KCNG3: variants seen among roughly 807,000 people sequenced by gnomAD.
The protein encoded by KCNG3 is potassium voltage-gated channel modifier subfamily G member 3, also known as voltage-gated potassium channel regulatory subunit KCNG3.
A neutral mutation model predicts 29.0 loss-of-function variants in KCNG3; 15 were observed. That is an observed-to-expected ratio of 0.52 (90% CI 0.35 to 0.80). The LOEUF (loss-of-function observed/expected upper bound fraction) is 0.80. KCNG3 is among the 30% of genes least tolerant of loss of function. KCNG3 has a pLI of 0.01. For synonymous variants in KCNG3, 322 were observed against 248.9 expected (o/e 1.29, Z -2.76); for missense variants, 512 against 605.7 (o/e 0.85, Z 1.62).
intron 1 of KCNG3, among the ~76,000 whole-genome samples, chr2:42,458,457 C>G (rs1374273591): frequency 6.6e-6 from 1 of 152,194 alleles, no homozygotes; most frequent in Non-Finnish European, 1.5e-5. Context: ...GAAACAGGGA[C>G]TGATGACCCC....
the KCNG3 span, among the ~76,000 whole-genome samples, chr2:42,411,047 T>A: frequency 6.6e-6 from 1 of 152,238 alleles, no homozygotes; most frequent in Non-Finnish European, 1.5e-5. Flanking sequence ...GAGTAGTCTA[T>A]CCTTTATTCA....
chr2:42,450,150 A>G (rs1239320326), intron 1 of KCNG3, among the ~76,000 whole-genome samples: 1 of 152,244 alleles, frequency 6.6e-6, no homozygotes, highest in Admixed American at 6.5e-5. Flanking sequence ...AGCAGCAGCC[A>G]AAGTTGTTAT....
chr2:42,420,473 A>G, the KCNG3 span, among the ~76,000 whole-genome samples: 57 of 152,216 alleles, frequency 3.7e-4, no homozygotes, highest in African/African-American at 1.1e-3. Context: ...GCCCTTCCTC[A>G]ACCTCCTTGG....
chr2:42,492,299 TAG>T (rs1446937415), intron 1 of KCNG3, among the ~76,000 whole-genome samples: 1 of 152,222 alleles, frequency 6.6e-6, no homozygotes, highest in Non-Finnish European at 1.5e-5. Context: ...ATCCATTATT[TAG>T]AGTCTATCGA....
At chr2:42,479,093 C>T (rs150198939) in intron 1 of KCNG3, among the ~76,000 whole-genome samples, 23 of 151,896 alleles carry the variant, frequency 1.5e-4, no homozygotes, top group Middle Eastern at 3.4e-3. Flanking sequence ...GATTTTGGCA[C>T]GTTTTGGATT....
the KCNG3 span, among the ~76,000 whole-genome samples, chr2:42,406,059 G>C: frequency 6.6e-6 from 1 of 151,924 alleles, no homozygotes; most frequent in African/African-American, 2.4e-5. Context: ...CTAGACTTAA[G>C]TTGAGCACTA....
the KCNG3 span, among the ~76,000 whole-genome samples, chr2:42,414,119 T>C: frequency 6.6e-6 from 1 of 152,230 alleles, no homozygotes; most frequent in African/African-American, 2.4e-5. Flanking sequence ...ATTATAATTA[T>C]TATTTTATTT....
At chr2:42,459,598 T>C (rs1672965696) in intron 1 of KCNG3, among the ~76,000 whole-genome samples, 1 of 152,178 alleles carries the variant, frequency 6.6e-6, no homozygotes, top group Non-Finnish European at 1.5e-5. Context: ...AGCTCATGAG[T>C]GACTGCCTAA....
chr2:42,436,602 T>C, the KCNG3 span, among the ~76,000 whole-genome samples: 3 of 152,226 alleles, frequency 2.0e-5, no homozygotes, highest in Non-Finnish European at 4.4e-5. Flanking sequence ...GGTGAAGACA[T>C]GCTTAACACT....
downstream of KCNG3, among the ~76,000 whole-genome samples, chr2:42,438,296 C>T (rs1672410500): frequency 1.3e-5 from 2 of 152,268 alleles, no homozygotes; most frequent in South Asian, 4.1e-4. Context: ...TGCCTCCACT[C>T]TGTCATGGGC....
downstream of KCNG3, among the ~76,000 whole-genome samples, chr2:42,437,093 T>A (rs922477137): frequency 1.3e-5 from 2 of 152,174 alleles, no homozygotes; most frequent in Non-Finnish European, 1.5e-5. Flanking sequence ...ACCTATCTAT[T>A]ACATGAAGTG....
chr2:42,445,467 C>T (rs1240595949), intron 1 of KCNG3, among the ~76,000 whole-genome samples: 2 of 152,056 alleles, frequency 1.3e-5, no homozygotes, highest in African/African-American at 4.8e-5. Context: ...TGGGTGAGTG[C>T]CCTCACCAGA....
the KCNG3 span, among the ~76,000 whole-genome samples, chr2:42,431,107 CA>C: frequency 3.2e-3 from 360 of 113,400 alleles, no homozygotes; most frequent in South Asian, 5.7e-3. Flanking sequence ...ACCCTGTCTC[CA>C]AAAAAAAAAA....
chr2:42,454,908 T>C (rs1389153627), intron 1 of KCNG3, among the ~76,000 whole-genome samples: 1 of 151,984 alleles, frequency 6.6e-6, no homozygotes, highest in Non-Finnish European at 1.5e-5. Context: ...AGAAGAGTTG[T>C]TTGATGGGTA....
chr2:42,468,338 T>C (rs1384176334), intron 1 of KCNG3, among the ~76,000 whole-genome samples: 4 of 152,118 alleles, frequency 2.6e-5, no homozygotes, highest in Non-Finnish European at 4.4e-5. Flanking sequence ...TGAAGTTAAA[T>C]TCCAATAAAC....
chr2:42,419,592 C>T, the KCNG3 span, among the ~76,000 whole-genome samples: 1 of 151,980 alleles, frequency 6.6e-6, no homozygotes, highest in African/African-American at 2.4e-5. Context: ...AAAGGCTGGA[C>T]TTAAGGAAGT....
chr2:42,405,384 C>A, the KCNG3 span, among the ~76,000 whole-genome samples: 3 of 150,178 alleles, frequency 2.0e-5, no homozygotes, highest in Non-Finnish European at 4.4e-5. Flanking sequence ...GTGGTTTTAT[C>A]TTTATTCTTT....
chr2:42,417,435 C>T, the KCNG3 span, among the ~76,000 whole-genome samples: 4 of 151,960 alleles, frequency 2.6e-5, no homozygotes, highest in Admixed American at 2.0e-4. Context: ...ATCCTCCTGC[C>T]TCAGCCTCCC....
chr2:42,486,048 T>A (rs1673711962), intron 1 of KCNG3, among the ~76,000 whole-genome samples: 1 of 152,222 alleles, frequency 6.6e-6, no homozygotes, highest in African/African-American at 2.4e-5. Flanking sequence ...ACATCTATGA[T>A]CCTTCTCCCA....
Sources: gnomAD v4.1 joint callset for allele counts (sites outside exome capture counted in the v4.1 genomes callset) on GRCh38, gnomAD v4.1.1 for gene constraint, MANE v1.5 for transcripts, NCBI Gene and HGNC (gene_info 2026-07-23, HGNC 2026-07-21) for gene names.